Variants in JAK1 observed in about 807,000 individuals in gnomAD.
JAK1 encodes Janus kinase 1, also known as tyrosine-protein kinase JAK1.
JAK1 carries 16 observed loss-of-function variants against 136.6 expected under a neutral mutation model. The ratio of observed to expected loss-of-function variants is 0.12; its 90% confidence interval spans 0.08 to 0.18. The LOEUF is 0.18. Among genes scored for constraint, JAK1 ranks in the 10% least tolerant of loss-of-function variants. The pLI, the probability that JAK1 is intolerant of heterozygous loss-of-function variation, is 1.00. For synonymous variants in JAK1, 492 were observed against 519.5 expected, an observed-to-expected ratio of 0.95 and a Z score of 0.72; for missense variants, 859 against 1,450.1, an observed-to-expected ratio of 0.59 and a Z score of 6.62.
At chr1:64,854,618 T>C (rs976099094) in intron 11 of JAK1, among the ~76,000 whole-genome samples, 1 of 152,002 alleles carries the variant, frequency 6.6e-6, no homozygotes, top group Non-Finnish European at 1.5e-5. Flanking sequence ...AAGAGACAAA[T>C]CCACCTGCAG....
At chr1:64,852,542 G>C (rs188936930) in intron 11 of JAK1, among the ~76,000 whole-genome samples, 4 of 152,194 alleles carry the variant, frequency 2.6e-5, no homozygotes, top group African/African-American at 9.6e-5. Flanking sequence ...AGGAGAAAAG[G>C]CATCAAGAAG....
chr1:64,961,166 C>CA (rs899324424), intron 1 of JAK1, among the ~76,000 whole-genome samples: 3 of 151,606 alleles, frequency 2.0e-5, no homozygotes, highest in South Asian at 2.1e-4. Context: ...GATAAACTGT[C>CA]AAAAAAAAGT....
intron 20 of JAK1, among the ~76,000 whole-genome samples, chr1:64,839,228 C>T (rs1003893529): frequency 2.7e-5 from 4 of 150,080 alleles, no homozygotes; most frequent in South Asian, 2.1e-4. Context: ...AAATAAGATA[C>T]AATTATTAGT....
chr1:64,852,739 G>C (rs1367538787), intron 11 of JAK1, among the ~76,000 whole-genome samples: 1 of 152,186 alleles, frequency 6.6e-6, no homozygotes, highest in African/African-American at 2.4e-5. Context: ...TTCCTCACTA[G>C]AAAAATGGGG....
chr1:64,999,997 T>G (rs909059893), intron 2 of JAK1, among the ~76,000 whole-genome samples: 1 of 151,256 alleles, frequency 6.6e-6, no homozygotes. Context: ...TCATAAGTTT[T>G]TTTTTTTTTT....
chr1:64,963,764 A>G (rs1200324560), intron 1 of JAK1, among the ~76,000 whole-genome samples: 1 of 152,202 alleles, frequency 6.6e-6, no homozygotes, highest in East Asian at 1.9e-4. Flanking sequence ...ATTTGCCACA[A>G]GAGCCCAGAT....
chr1:64,844,212 C>A lies in JAK1; in HGVS notation c.2255G>T (p.Cys752Phe). 1 of 1,614,236 alleles carries A rather than the reference C, an allele frequency of 6.2e-7. No individual in the cohort carries two copies. The change falls in exon 17 of 25, where the codon TGC becomes TTC. Residue 752 changes from cysteine (C) to phenylalanine (F), a missense_variant. Cys to Phe is a radical substitution (Grantham distance 205). This residue lies in a region of JAK1 where 409 missense variants were observed against 753.8 expected (regional missense o/e 0.54). Transcript: ENST00000342505. This position sits in a 1 kb window ranked among gnomAD's most constrained non-coding sequence, Gnocchi z 5.7. ...IPITVLSRQE[C>F]IERIPWIAPE... ...AGCAATCCATGGGATTCGTTCAATG[C>A]ATTCTGGAAGACAACAGACACACTG... is the stretch of plus-strand genomic sequence containing the variant.
At chr1:64,850,931 G>T in intron 11 of JAK1, 21 bp from the exon 12 acceptor site, 1 of 1,520,194 alleles carries the variant, frequency 6.6e-7, no homozygotes, top group Non-Finnish European at 9.1e-7. Context: ...GATTGGGGGA[G>T]TCTGAGCACA....
intron 1 of JAK1, among the ~76,000 whole-genome samples, chr1:64,936,867 G>C (rs1327536293): frequency 6.6e-6 from 1 of 152,034 alleles, no homozygotes; most frequent in Non-Finnish European, 1.5e-5. Flanking sequence ...AAAACAGTAG[G>C]TTGTACCATA....
intron 2 of JAK1, among the ~76,000 whole-genome samples, chr1:65,032,522 CAAA>C (rs895853972): frequency 2.0e-5 from 3 of 151,358 alleles, no homozygotes; most frequent in African/African-American, 7.3e-5. Context: ...ACAACAACAA[CAAA>C]AAAAACAGGC....
At chr1:64,960,078 T>C (rs1449206616) in intron 1 of JAK1, among the ~76,000 whole-genome samples, 1 of 152,068 alleles carries the variant, frequency 6.6e-6, no homozygotes. Flanking sequence ...AATTTAAAAA[T>C]TAGCTGGGTA....
At chr1:65,058,080 T>C (rs560863033) in intron 1 of JAK1, among the ~76,000 whole-genome samples, 43 of 152,336 alleles carry the variant, frequency 2.8e-4, no homozygotes, top group Non-Finnish European at 5.6e-4. Flanking sequence ...AGTAGTGTAC[T>C]GACAAGTGCC....
rs558125578 is a variant in JAK1 at position 64,983,365 on chromosome 1, G to A, written c.-78+61115C>T. 1.6e-4 allele frequency among the ~76,000 whole-genome samples: 25 copies of A among 152,250 alleles called. 1 individual carries two copies. The highest frequency in any genetic ancestry group is 8.3e-4 in the South Asian group (4 of 4,822). ...GGTAACAGACATAGACAAGCATGCC[G>A]TGACCCTGAAGCAACAACACACGTT... is the stretch of plus-strand genomic sequence containing the variant. On this transcript the variant is annotated intron_variant, in intron 2 of 25. Transcript: ENST00000671954.
intron 1 of JAK1, among the ~76,000 whole-genome samples, chr1:64,955,749 C>G (rs529112246): frequency 6.6e-6 from 1 of 152,320 alleles, no homozygotes; most frequent in South Asian, 2.1e-4. Flanking sequence ...AATGATAGAT[C>G]ACCCAGGTAA....
intron 1 of JAK1, among the ~76,000 whole-genome samples, chr1:65,053,378 T>C (rs1045801770): frequency 1.3e-5 from 2 of 151,986 alleles, no homozygotes; most frequent in Non-Finnish European, 2.9e-5. Flanking sequence ...CGATGACTGG[T>C]AATGGTGAAG....
At chr1:64,921,945 G>C (rs148641675) in intron 1 of JAK1, among the ~76,000 whole-genome samples, 2,510 of 151,944 alleles carry the variant, frequency 0.017, 70 homozygotes, top group African/African-American at 0.057. Flanking sequence ...ACAGTAAAGA[G>C]AGATTAAGTA....
At chr1:65,004,410 T>C (rs961620496) in intron 2 of JAK1, among the ~76,000 whole-genome samples, 1 of 152,246 alleles carries the variant, frequency 6.6e-6, no homozygotes, top group African/African-American at 2.4e-5. Context: ...TAGAAACTGC[T>C]GGACTCGTGA....
At chr1:64,883,498 CTA>C in intron 2 of JAK1, 23 bp from the exon 3 acceptor site, 1 of 1,598,504 alleles carries the variant, frequency 6.3e-7, no homozygotes, top group African/African-American at 1.3e-5. Flanking sequence ...GAAAACAAGA[CTA>C]TGTGGTCACT....
chr1:64,923,716 C>CA (rs1234954290), intron 1 of JAK1, among the ~76,000 whole-genome samples: 2 of 152,124 alleles, frequency 1.3e-5, no homozygotes, highest in African/African-American at 2.4e-5. Flanking sequence ...CCACACATGC[C>CA]ATGACTTAAA....
Sources: gnomAD v4.1 joint callset for allele counts (sites outside exome capture counted in the v4.1 genomes callset) on GRCh38, gnomAD v4.1.1 for gene constraint, gnomAD v4.1.1 regional missense constraint, Gnocchi (gnomAD v3.1) non-coding constraint, MANE v1.5 for transcripts, NCBI Gene and HGNC (gene_info 2026-07-23, HGNC 2026-07-21) for gene names.